ZNF454: variants seen among roughly 807,000 people sequenced by gnomAD.
The protein encoded by ZNF454 is zinc finger protein 454.
Under a neutral mutation model 48.2 loss-of-function variants are expected in ZNF454, and 30 were observed. The ratio of observed to expected loss-of-function variants is 0.62; its 90% CI spans 0.47 to 0.84. ZNF454 has a LOEUF of 0.84. Ranked by LOEUF, ZNF454 falls within the 40% of genes least tolerant of loss-of-function variation. ZNF454 has a pLI of 0.00. For synonymous variants in ZNF454, 204 were observed against 211.4 expected (o/e 0.97, Z 0.30); for missense variants, 510 against 623.1 (o/e 0.82, Z 1.93).
chr5:178,987,949 G>A, the ZNF454 span, among the ~76,000 whole-genome samples: 30 of 148,866 alleles, frequency 2.0e-4, 1 homozygote, highest in African/African-American at 7.4e-4. Context: ...TAGTAGAGAT[G>A]GGGTTTCACC....
chr5:178,953,924 GGT>G (rs1185883496), intron 4 of ZNF454, among the ~76,000 whole-genome samples: 2 of 152,234 alleles, frequency 1.3e-5, no homozygotes, highest in African/African-American at 4.8e-5. Flanking sequence ...ACTGAGCATT[GGT>G]GAGCCTTTGG....
chr5:178,986,319 A>G, the ZNF454 span: 17 of 1,614,062 alleles, frequency 1.1e-5, no homozygotes, highest in South Asian at 2.2e-5. Flanking sequence ...CCGCGGCCCC[A>G]GGCTCAGCCA....
chr5:178,955,214 C>T (rs1561701176), intron 4 of ZNF454, among the ~76,000 whole-genome samples: 1 of 152,288 alleles, frequency 6.6e-6, no homozygotes, highest in East Asian at 1.9e-4. Context: ...CTTCTTATTG[C>T]ACTGGTTAGG....
the ZNF454 span, chr5:178,986,675 G>A: frequency 1.8e-4 from 286 of 1,603,200 alleles, 1 homozygote; most frequent in East Asian, 2.2e-3. Context: ...ATCTTCTTCC[G>A]CTCCCCCGGC....
the ZNF454 span, chr5:178,982,896 G>A: frequency 6.3e-7 from 1 of 1,598,594 alleles, no homozygotes; most frequent in Non-Finnish European, 8.6e-7. Context: ...GAGACCTCCT[G>A]GGGACCTCAT....
At chr5:178,988,986 G>A in the ZNF454 span, 41 of 1,614,048 alleles carry the variant, frequency 2.5e-5, no homozygotes, top group Non-Finnish European at 2.1e-5. The surrounding 1 kb of genome is among the most constrained non-coding windows in gnomAD (Gnocchi z 6.0). Context: ...CCATCAGTGG[G>A]TTCCATCGCC....
At chr5:178,986,233 C>A in the ZNF454 span, 4 of 1,614,114 alleles carry the variant, frequency 2.5e-6, no homozygotes, top group Non-Finnish European at 3.4e-6. Context: ...GCGGTAGATA[C>A]GGTTGGTCTT....
At chr5:178,987,354 G>C in the ZNF454 span, 1 of 475,844 alleles carries the variant, frequency 2.1e-6, no homozygotes, top group Non-Finnish European at 4.2e-6. Flanking sequence ...AGAAATGCTT[G>C]TACAGCCACG....
the ZNF454 span, chr5:178,986,130 C>T: frequency 6.2e-7 from 1 of 1,613,208 alleles, no homozygotes; most frequent in Non-Finnish European, 8.5e-7. Context: ...ACGGACCCAC[C>T]TGCAGGGAGG....
chr5:178,945,273 G>A (rs775890364), intron 2 of ZNF454, among the ~76,000 whole-genome samples: 1 of 150,846 alleles, frequency 6.6e-6, no homozygotes, highest in Non-Finnish European at 1.5e-5. Context: ...GGTATGTGTT[G>A]TGTGTATGTG....
At chr5:178,983,144 G>A in the ZNF454 span, 6 of 1,613,946 alleles carry the variant, frequency 3.7e-6, no homozygotes, top group East Asian at 2.2e-5. Context: ...CCTGCTCGGG[G>A]TCCACCGTCC....
At chr5:178,987,099 A>G in the ZNF454 span, 1 of 1,070,140 alleles carries the variant, frequency 9.3e-7, no homozygotes, top group Non-Finnish European at 1.4e-6. Context: ...CACTGCTCAT[A>G]AGGGACGTGC....
chr5:178,973,476 T>G, the ZNF454 span, among the ~76,000 whole-genome samples: 1 of 152,196 alleles, frequency 6.6e-6, no homozygotes, highest in East Asian at 1.9e-4. Flanking sequence ...CAATTGCTAA[T>G]TCACCTCAGT....
intron 4 of ZNF454, among the ~76,000 whole-genome samples, chr5:178,950,716 T>G (rs971166969): frequency 6.6e-6 from 1 of 152,168 alleles, no homozygotes; most frequent in Non-Finnish European, 1.5e-5. Flanking sequence ...AGCTTTATCT[T>G]TTTTGAGTTA....
rs1479409953 is a variant in ZNF454 at position 178,965,982 on chromosome 5, C to T, written c.*9C>T. 2.6e-6 allele frequency: 4 copies of T among 1,542,284 alleles called. No homozygotes were observed. Among genetic ancestry groups the T allele is most frequent in the Middle Eastern group, 1.7e-4 (1 of 5,746 alleles). ...ATATTGGAGAGAAGTGATATGAATGCAGTTTGTATGGAAGACCTTTGAGAC... is the reference window on the plus strand; with the variant it reads ...ATATTGGAGAGAAGTGATATGAATGTAGTTTGTATGGAAGACCTTTGAGAC... On this transcript the variant is annotated 3_prime_UTR_variant, in exon 5 of 5. Coordinates refer to ENST00000519564, the MANE Select transcript of ZNF454 (RefSeq NM_001178089.3). This position sits in a 1 kb window ranked among gnomAD's most constrained non-coding sequence, Gnocchi z 5.2.
chr5:178,986,327 C>T, the ZNF454 span: 2 of 1,613,992 alleles, frequency 1.2e-6, no homozygotes, highest in African/African-American at 1.3e-5. Flanking sequence ...CCAGGCTCAG[C>T]CACCATGAGG....
Position 178,964,697 on chromosome 5 carries a change from CA to C in ZNF454, c.294del (p.Glu99ArgfsTer12). 6.2e-7 allele frequency: 1 copy of C among 1,614,100 alleles called. No homozygotes were observed. The highest frequency in any genetic ancestry group is 8.5e-7 in the Non-Finnish European group (1 of 1,179,986). ...MPASKKSTVK[A>X]EIPEEELDQW... is the part of the protein sequence containing the mutation. ...GCCAGTAAGAAATCTACTGTCAAGGCAGAGATTCCTGAAGAAGAATTGGATC... is the reference window on the plus strand; with the variant it reads ...GCCAGTAAGAAATCTACTGTCAAGGCGAGATTCCTGAAGAAGAATTGGATC... On this transcript the variant is annotated frameshift_variant, in exon 5 of 5. Transcript: ENST00000519564. LOFTEE classifies it high-confidence loss of function.
chr5:178,989,075 A>T, the ZNF454 span: 1 of 1,614,076 alleles, frequency 6.2e-7, no homozygotes, highest in East Asian at 2.2e-5. Flanking sequence ...CACCGCATCA[A>T]TCACAAACTG....
the ZNF454 span, chr5:178,978,699 C>CAT: frequency 6.6e-6 from 1 of 152,194 alleles, no homozygotes; most frequent in Non-Finnish European, 1.5e-5. Flanking sequence ...CCCAGAACTC[C>CAT]ATTTTCACTG....
Sources: gnomAD v4.1 joint callset for allele counts (sites outside exome capture counted in the v4.1 genomes callset) on GRCh38, gnomAD v4.1.1 for gene constraint, Gnocchi (gnomAD v3.1) non-coding constraint, MANE v1.5 for transcripts, NCBI Gene and HGNC (gene_info 2026-07-23, HGNC 2026-07-21) for gene names.